Variants in ZBTB8A observed in about 807,000 individuals in gnomAD.
The protein encoded by ZBTB8A is zinc finger and BTB domain-containing protein 8A.
Under a neutral mutation model 37.8 loss-of-function variants are expected in ZBTB8A, and 19 were observed. The ratio of observed to expected loss-of-function variants is 0.50; its 90% CI spans 0.35 to 0.74. The LOEUF is 0.74. Among genes scored for constraint, ZBTB8A ranks in the 30% least tolerant of loss-of-function variants. ZBTB8A has a pLI of 0.01. For missense variants in ZBTB8A, 394 were observed against 537.8 expected (o/e 0.73, Z 2.65); for synonymous variants, 181 against 185.2 (o/e 0.98, Z 0.19).
intron 2 of ZBTB8A, among the ~76,000 whole-genome samples, chr1:32,573,932 C>T (rs1016917509): frequency 5.4e-4 from 82 of 151,288 alleles, no homozygotes; most frequent in African/African-American, 1.8e-3. Flanking sequence ...AAAAATTAGC[C>T]GGGTGTGGCA....
chr1:32,584,353 T>C (rs1644429606), intron 2 of ZBTB8A, among the ~76,000 whole-genome samples: 1 of 151,336 alleles, frequency 6.6e-6, no homozygotes, highest in Admixed American at 6.6e-5. Flanking sequence ...AGGAAACTAA[T>C]ATACAAAGAC....
intron 2 of ZBTB8A, among the ~76,000 whole-genome samples, chr1:32,554,465 TTTA>T (rs1644184127): frequency 6.5e-4 from 7 of 10,830 alleles, no homozygotes; most frequent in African/African-American, 2.4e-3. Flanking sequence ...TAATCTTTTA[TTTA>T]TTTATTTATT....
At chr1:32,591,140 C>T (rs907178706) in intron 2 of ZBTB8A, among the ~76,000 whole-genome samples, 1 of 151,046 alleles carries the variant, frequency 6.6e-6, no homozygotes, top group Non-Finnish European at 1.5e-5. Flanking sequence ...AACTCCTAAC[C>T]TCAAGTGATC....
At chr1:32,548,374 G>A (rs1006564371) in intron 1 of ZBTB8A, among the ~76,000 whole-genome samples, 1 of 151,478 alleles carries the variant, frequency 6.6e-6, no homozygotes, top group African/African-American at 2.4e-5. Flanking sequence ...TCACTCAGCC[G>A]CCCAGGCTGG....
At chr1:32,599,900 G>A (rs1334750045) in intron 4 of ZBTB8A, among the ~76,000 whole-genome samples, 187 bp from the exon 5 acceptor site, 2 of 152,090 alleles carry the variant, frequency 1.3e-5, no homozygotes, top group Non-Finnish European at 2.9e-5. Flanking sequence ...TTTAGAGAAA[G>A]CTGATGTTTA....
Position 32,592,973 on chromosome 1 carries a change from G to T in ZBTB8A, c.42G>T (p.Leu14=). ...SSHQSHLLQQ[L]NEQRRQDVFC... ...ATCAGTCTCACCTCCTGCAGCAACT[G>T]AACGAGCAGCGCAGGCAAGATGTAT... Residue 14 remains leucine (L), a synonymous_variant, in exon 3 of 5, where the codon CTG becomes CTT. Transcript: ENST00000373510. 1 of 1,613,748 alleles carries T rather than the reference G, an allele frequency of 6.2e-7. No homozygotes were observed. Among genetic ancestry groups the T allele is most frequent in the South Asian group, 1.1e-5 (1 of 90,978 alleles).
chr1:32,599,513 T>C lies in ZBTB8A; in HGVS notation c.994-574T>C, dbSNP rs1452831193. ...GCAGACAGATGACGAGGTCAGGAGT[T>C]TGAGACCAGCCTGACCAACATGGTG... is the stretch of plus-strand genomic sequence containing the variant. On this transcript the variant is annotated intron_variant, in intron 4 of 4. Transcript: ENST00000373510. Among the ~76,000 whole-genome samples the C allele has an allele frequency of 2.6e-5, 4 of 152,116 alleles. No homozygotes were observed. The South Asian group carries it at 8.3e-4, about 32-fold the overall frequency.
chr1:32,586,887 G>A (rs1236688115), intron 2 of ZBTB8A, among the ~76,000 whole-genome samples: 3 of 152,096 alleles, frequency 2.0e-5, no homozygotes, highest in East Asian at 1.9e-4. Flanking sequence ...TTTCACTTAC[G>A]TTTTAGAAGG....
intron 1 of ZBTB8A, among the ~76,000 whole-genome samples, chr1:32,545,340 T>C (rs190218881): frequency 6.6e-6 from 1 of 152,328 alleles, no homozygotes; most frequent in African/African-American, 2.4e-5. Context: ...TGATTAATGA[T>C]GCTAAACATC....
chr1:32,552,576 G>A (rs1644165414), intron 1 of ZBTB8A, among the ~76,000 whole-genome samples: 1 of 152,074 alleles, frequency 6.6e-6, no homozygotes, highest in Admixed American at 6.6e-5. Flanking sequence ...TGAGGCAGGG[G>A]AATTGCTCAA....
At chr1:32,594,020 C>T (rs113707762) in intron 3 of ZBTB8A, among the ~76,000 whole-genome samples, 2,270 of 151,762 alleles carry the variant, frequency 0.015, 20 homozygotes, top group Non-Finnish European at 0.023. Flanking sequence ...GGCAAAACCC[C>T]GTCTCCACTA....
In ZBTB8A at chr1:32,595,175, T is replaced by C; in HGVS notation, c.945T>C (p.Cys315=). 6.2e-7 allele frequency: 1 copy of C among 1,614,210 alleles called. No individual in the cohort carries two copies. Among genetic ancestry groups the C allele is most frequent in the Non-Finnish European group, 8.5e-7 (1 of 1,180,024 alleles). Residue 315 remains cysteine (C), a synonymous_variant, in exon 4 of 5, where the codon TGT becomes TGC. Transcript: ENST00000373510. ...AAAGGCCCTATCCATGTCAAGCTTG[T>C]GGAAAAAGATTTAGCAGGCTAGACC... The part of the protein sequence containing the change: ...TGERPYPCQA[C]GKRFSRLDHL...
chr1:32,558,138 G>A (rs1327083609), intron 2 of ZBTB8A, among the ~76,000 whole-genome samples: 2 of 152,096 alleles, frequency 1.3e-5, no homozygotes, highest in African/African-American at 4.8e-5. Flanking sequence ...ACAGAGGATG[G>A]GGGAAAAGGA....
chr1:32,542,880 C>T (rs542581078), intron 1 of ZBTB8A, among the ~76,000 whole-genome samples: 3 of 152,250 alleles, frequency 2.0e-5, no homozygotes, highest in African/African-American at 7.2e-5. Flanking sequence ...GCTGTTTCAA[C>T]GTATAAAGTC....
At chr1:32,581,643 T>C (rs998548342) in intron 2 of ZBTB8A, among the ~76,000 whole-genome samples, 15 of 151,910 alleles carry the variant, frequency 9.9e-5, no homozygotes, top group Non-Finnish European at 7.4e-5. Context: ...TGAGCCACCG[T>C]CCCCAGCCTG....
intron 1 of ZBTB8A, among the ~76,000 whole-genome samples, chr1:32,540,275 C>A (rs1479086986): frequency 6.6e-6 from 1 of 152,074 alleles, no homozygotes; most frequent in African/African-American, 2.4e-5. Context: ...TATGTATCCC[C>A]GATTGTTCCA....
intron 2 of ZBTB8A, among the ~76,000 whole-genome samples, chr1:32,574,891 A>G (rs1644348554): frequency 6.6e-6 from 1 of 151,964 alleles, no homozygotes; most frequent in Admixed American, 6.6e-5. Flanking sequence ...GATTCTCACA[A>G]CTCAGCCCCA....
At chr1:32,548,217 G>C (rs1644122452) in intron 1 of ZBTB8A, among the ~76,000 whole-genome samples, 1 of 151,380 alleles carries the variant, frequency 6.6e-6, no homozygotes. Flanking sequence ...GTCGAGGGTT[G>C]CTATTCCCAG....
chr1:32,540,505 T>A (rs1413245312), intron 1 of ZBTB8A, among the ~76,000 whole-genome samples: 1 of 152,206 alleles, frequency 6.6e-6, no homozygotes, highest in Non-Finnish European at 1.5e-5. Flanking sequence ...ACTTTGCAGA[T>A]GAGGGAACAC....
Sources: gnomAD v4.1 joint callset for allele counts (sites outside exome capture counted in the v4.1 genomes callset) on GRCh38, gnomAD v4.1.1 for gene constraint, MANE v1.5 for transcripts, NCBI Gene and HGNC (gene_info 2026-07-23, HGNC 2026-07-21) for gene names.